Variants in PLD5 observed in about 807,000 individuals in gnomAD.
The protein encoded by PLD5 is inactive phospholipase D5.
In PLD5, 36 loss-of-function variants were observed where a neutral mutation model predicts 61.1. That is an observed-to-expected ratio of 0.59 (90% CI 0.45 to 0.78). PLD5 has a LOEUF of 0.78. PLD5 is among the 30% of genes least tolerant of loss of function. The pLI is 0.00. For synonymous variants in PLD5, 243 were observed against 242.8 expected, an observed-to-expected ratio of 1.00 and a Z score of -0.01; for missense variants, 515 against 644.4, an observed-to-expected ratio of 0.80 and a Z score of 2.17.
chr1:242,366,009 A>G (rs1430150584), intron 1 of PLD5, among the ~76,000 whole-genome samples: 1 of 152,230 alleles, frequency 6.6e-6, no homozygotes, highest in East Asian at 1.9e-4. Flanking sequence ...TCTGTCAAAC[A>G]TTTGAGAAAT....
chr1:242,367,720 G>A (rs987931974), intron 1 of PLD5, among the ~76,000 whole-genome samples: 2 of 152,144 alleles, frequency 1.3e-5, no homozygotes, highest in African/African-American at 4.8e-5. Flanking sequence ...AATCACGAAA[G>A]AGGTACTGAA....
chr1:242,096,861 A>T (rs1229678883), intron 9 of PLD5, among the ~76,000 whole-genome samples: 1 of 152,028 alleles, frequency 6.6e-6, no homozygotes, highest in African/African-American at 2.4e-5. Context: ...ATCATTTAAC[A>T]TTAGGTATAT....
chr1:242,217,747 G>A (rs1233281317), intron 5 of PLD5, among the ~76,000 whole-genome samples: 1 of 152,214 alleles, frequency 6.6e-6, no homozygotes, highest in African/African-American at 2.4e-5. Context: ...AGTGCAGGAA[G>A]TCACTGCAGA....
intron 5 of PLD5, among the ~76,000 whole-genome samples, chr1:242,188,104 A>G (rs1668020805): frequency 6.6e-6 from 1 of 152,208 alleles, no homozygotes; most frequent in African/African-American, 2.4e-5. Context: ...GGCACTCCCT[A>G]GGACACATAT....
intron 5 of PLD5, among the ~76,000 whole-genome samples, chr1:242,128,646 C>A (rs563457848): frequency 6.6e-6 from 1 of 152,302 alleles, no homozygotes; most frequent in East Asian, 1.9e-4. Flanking sequence ...TTCTGGATAA[C>A]TATTATTTTG....
At chr1:242,441,257 G>A (rs1572158817) in intron 1 of PLD5, among the ~76,000 whole-genome samples, 1 of 152,118 alleles carries the variant, frequency 6.6e-6, no homozygotes, top group East Asian at 1.9e-4. Context: ...GATACTATGA[G>A]TATATAATTG....
At chr1:242,151,341 T>C (rs950543717) in intron 5 of PLD5, among the ~76,000 whole-genome samples, 2 of 152,106 alleles carry the variant, frequency 1.3e-5, no homozygotes, top group South Asian at 4.1e-4. Flanking sequence ...CTGTTGGTAA[T>C]ACAGTTTCTT....
intron 6 of PLD5, among the ~76,000 whole-genome samples, chr1:242,119,523 G>A (rs1199984076): frequency 1.3e-5 from 2 of 152,070 alleles, no homozygotes; most frequent in Admixed American, 1.3e-4. Flanking sequence ...TAATTTAAAT[G>A]GGCAAAAGAT....
intron 8 of PLD5, among the ~76,000 whole-genome samples, chr1:242,105,220 T>TG (rs1660953726): frequency 1.9e-5 from 2 of 103,752 alleles, no homozygotes; most frequent in South Asian, 7.3e-4. Context: ...TACTGTGTGT[T>TG]GGTTTTTTTT....
At chr1:242,131,709 G>A (rs532130311) in intron 5 of PLD5, among the ~76,000 whole-genome samples, 1 of 152,268 alleles carries the variant, frequency 6.6e-6, no homozygotes, top group African/African-American at 2.4e-5. Context: ...CCCTGTGGGT[G>A]GGGGCCAGGT....
chr1:242,283,878 T>G (rs1370148787), intron 3 of PLD5, among the ~76,000 whole-genome samples: 1 of 152,088 alleles, frequency 6.6e-6, no homozygotes, highest in African/African-American at 2.4e-5. Flanking sequence ...AAAATTTAAA[T>G]CAAAGTAGCT....
At chr1:242,137,355 A>G (rs1663816445) in intron 5 of PLD5, among the ~76,000 whole-genome samples, 1 of 152,166 alleles carries the variant, frequency 6.6e-6, no homozygotes, top group Admixed American at 6.6e-5. Flanking sequence ...CTTCCTTGCA[A>G]CATACTTTCC....
upstream of PLD5, among the ~76,000 whole-genome samples, chr1:242,527,292 G>A (rs542784457): frequency 1.3e-5 from 2 of 151,522 alleles, no homozygotes; most frequent in East Asian, 1.9e-4. Context: ...TATCACACCC[G>A]GCTAATTTTT....
chr1:242,445,497 A>G (rs1666489465), intron 1 of PLD5, among the ~76,000 whole-genome samples: 2 of 152,108 alleles, frequency 1.3e-5, no homozygotes, highest in Admixed American at 6.6e-5. Flanking sequence ...GCCCACCACC[A>G]CACTGAGCTA....
chr1:242,242,458 A>C (rs1037202596), intron 4 of PLD5, among the ~76,000 whole-genome samples: 1 of 152,236 alleles, frequency 6.6e-6, no homozygotes, highest in Non-Finnish European at 1.5e-5. Flanking sequence ...ATGTAATTTA[A>C]AGGTTGCTAA....
At chr1:242,335,880 ATC>A (rs1376290361) in intron 2 of PLD5, among the ~76,000 whole-genome samples, 1 of 152,204 alleles carries the variant, frequency 6.6e-6, no homozygotes, top group Non-Finnish European at 1.5e-5. Flanking sequence ...ATCTAATTAT[ATC>A]TCTCTGATAA....
Position 242,524,257 on chromosome 1 carries a change from T to C in PLD5, c.20A>G (p.Glu7Gly). 6.7e-7 allele frequency: 1 copy of C among 1,489,486 alleles called. No individual in the cohort carries two copies. Among genetic ancestry groups the C allele is most frequent in the Middle Eastern group, 2.0e-4 (1 of 4,936 alleles). 92.3% of individuals were successfully genotyped at this position (1,489,486 alleles called of 1,614,324 possible). MEIRQHEWLSASPHEGF... is the reference protein window; with the variant it reads MEIRQHGWLSASPHEGF... ...CTCATGGGGGGAGGCCGAGAGCCAC[T>C]CGTGCTGCCGGATCTCCATCCTGAC... The change falls in exon 1 of 10, where the codon GAG becomes GGG. Residue 7 changes from glutamate (E) to glycine (G), a missense_variant. Coordinates refer to ENST00000536534, the MANE Select transcript of PLD5 (RefSeq NM_001372062.1).
At position 242,475,877 on chromosome 1, in the gene PLD5, C is replaced by T. The variant is rs115442167; in HGVS notation, c.189+48211G>A. 1.0e-2 allele frequency among the ~76,000 whole-genome samples: 1,520 copies of T among 152,286 alleles called. 34 individuals are homozygous for T. Among genetic ancestry groups the T allele is most frequent in the African/African-American group, 0.035 (1,468 of 41,556 alleles). On this transcript the variant is annotated intron_variant, in intron 1 of 9. Coordinates refer to ENST00000536534, the MANE Select transcript of PLD5 (RefSeq NM_001372062.1). ...GAAGAGGCACGGGGAGGGTGGCCACCTGCCAGCCATGGAGACAAGCCTGGA... is the reference window on the plus strand; with the variant it reads ...GAAGAGGCACGGGGAGGGTGGCCACTTGCCAGCCATGGAGACAAGCCTGGA...
rs142870268 is a variant in PLD5, at chr1:242,522,760, G to C, written c.189+1328C>G. The stretch of plus-strand genomic sequence containing the variant: ...TGGAGAGGGCATGTTTAATGGATAC[G>C]TTGCCTTTCAAACAACTTGCCATCC... On this transcript the variant is annotated intron_variant, in intron 1 of 9. Coordinates refer to ENST00000536534, the MANE Select transcript of PLD5 (RefSeq NM_001372062.1). 1.6e-3 allele frequency among the ~76,000 whole-genome samples: 250 copies of C among 152,282 alleles called. 2 individuals carry two copies. Among genetic ancestry groups the C allele is most frequent in the African/African-American group, 5.9e-3 (245 of 41,552 alleles).
Sources: allele counts gnomAD v4.1 joint callset (sites outside exome capture counted in the v4.1 genomes callset), GRCh38; gene constraint gnomAD v4.1.1; transcripts MANE v1.5; gene names NCBI Gene and HGNC (gene_info 2026-07-23, HGNC 2026-07-21).